Variants in KCNQ1 observed in about 807,000 individuals in gnomAD.
The protein encoded by KCNQ1 is potassium voltage-gated channel subfamily KQT member 1.
In KCNQ1, 49 loss-of-function variants were observed where a neutral mutation model predicts 72.4. The ratio of observed to expected loss-of-function variants is 0.68; its 90% CI spans 0.54 to 0.86. The LOEUF is 0.86. Ranked by LOEUF, KCNQ1 falls within the 40% of genes least tolerant of loss-of-function variation. The pLI is 0.00. For synonymous variants in KCNQ1, 450 were observed against 412.6 expected, an observed-to-expected ratio of 1.09 and a Z score of -1.10; for missense variants, 790 against 945.1, an observed-to-expected ratio of 0.84 and a Z score of 2.15.
chr11:2,810,589 G>A (rs765300313), intron 15 of KCNQ1, among the ~76,000 whole-genome samples: 2 of 152,208 alleles, frequency 1.3e-5, no homozygotes, highest in African/African-American at 4.8e-5. Context: ...TGATGGGCAC[G>A]ACAGCTCCTA....
At chr11:2,756,847 A>C (rs1431520728) in intron 11 of KCNQ1, among the ~76,000 whole-genome samples, 2 of 151,412 alleles carry the variant, frequency 1.3e-5, no homozygotes, top group East Asian at 3.9e-4. Context: ...TTATATTAGC[A>C]CAACCGGGAG....
At chr11:2,445,592 C>T in intron 1 of KCNQ1, 108 bp downstream of exon 1, 1 of 1,297,084 alleles carries the variant, frequency 7.7e-7, no homozygotes, top group Admixed American at 2.0e-5. Flanking sequence ...GACCCCGGAG[C>T]AGAGGAGGGA....
intron 5 of KCNQ1, 103 bp from the exon 6 acceptor site, chr11:2,572,743 T>C (rs1366399856): frequency 2.0e-6 from 3 of 1,488,142 alleles, no homozygotes; most frequent in Non-Finnish European, 1.8e-6. Flanking sequence ...TGGAGCGGCG[T>C]AGGACGCCCA....
At chr11:2,699,964 G>T (rs1297149523) in intron 11 of KCNQ1, 1 of 398,248 alleles carries the variant, frequency 2.5e-6, no homozygotes, top group Non-Finnish European at 4.4e-6. Context: ...CTCCCTGGAG[G>T]TCCGTGCTGA....
chr11:2,480,077 A>G (rs1846629507), intron 1 of KCNQ1, among the ~76,000 whole-genome samples: 1 of 152,146 alleles, frequency 6.6e-6, no homozygotes, highest in South Asian at 2.1e-4. Context: ...CCTGGATTTC[A>G]TTGTCCATAT....
chr11:2,561,667 C>T (rs1848169177), intron 2 of KCNQ1, among the ~76,000 whole-genome samples: 1 of 152,250 alleles, frequency 6.6e-6, no homozygotes, highest in Admixed American at 6.5e-5. Context: ...TGCCCATCCT[C>T]CTCCTGCTTA....
intron 1 of KCNQ1, among the ~76,000 whole-genome samples, chr11:2,474,179 C>A (rs899546009): frequency 1.3e-5 from 2 of 152,140 alleles, no homozygotes; most frequent in Non-Finnish European, 1.5e-5. Context: ...TGTCCAGGGT[C>A]CGTCAAGAAG....
At chr11:2,610,745 T>TTTTTTTTTGA in intron 10 of KCNQ1, 1 of 356,168 alleles carries the variant, frequency 2.8e-6, no homozygotes, top group Non-Finnish European at 4.8e-6. Flanking sequence ...TTTTTTTTTT[T>TTTTTTTTTGA]ACTTTGAGCA....
At chr11:2,628,530 T>C (rs1849297430) in intron 10 of KCNQ1, 1 of 398,372 alleles carries the variant, frequency 2.5e-6, no homozygotes, top group Admixed American at 4.4e-5. Context: ...TCCTTATATA[T>C]ATTGGATATT....
intron 2 of KCNQ1, among the ~76,000 whole-genome samples, chr11:2,542,787 T>G (rs1032494898): frequency 1.3e-5 from 2 of 152,242 alleles, no homozygotes; most frequent in Non-Finnish European, 2.9e-5. Flanking sequence ...CCTTTTTCAT[T>G]GCTGAGCCGT....
rs370070707 is a variant in KCNQ1, at chr11:2,677,231, T to C, written c.1514+15150T>C. 80 of 398,540 alleles carry C rather than the reference T, an allele frequency of 2.0e-4. No homozygotes were observed. Among genetic ancestry groups the C allele is most frequent in the African/African-American group, 1.4e-3 (70 of 48,722 alleles). 24.7% of individuals were successfully genotyped at this position (398,540 alleles called of 1,614,324 possible). A position where few individuals can be genotyped will look rare whatever the true frequency, so the allele number is the denominator to read the frequency against. On this transcript the variant is annotated intron_variant, in intron 11 of 15. Coordinates refer to ENST00000155840, the MANE Select transcript of KCNQ1 (RefSeq NM_000218.3). This position sits in a 1 kb window ranked among gnomAD's most constrained non-coding sequence, Gnocchi z 4.5. ...TGTCTCTTGTCAACCAAAGACAATA[T>C]AAAGCACACACAAAGTAAAGAGGAA...
Position 2,661,573 on chromosome 11 carries a change from G to T in KCNQ1, c.1394-388G>T. 1.8e-6 allele frequency: 1 copy of T among 554,936 alleles called. No homozygotes were observed. The highest frequency in any genetic ancestry group is 3.2e-6 in the Non-Finnish European group (1 of 312,514). 34.4% of individuals were successfully genotyped at this position (554,936 alleles called of 1,614,324 possible). On this transcript the variant is annotated intron_variant, in intron 10 of 15. Coordinates refer to ENST00000155840, the MANE Select transcript of KCNQ1 (RefSeq NM_000218.3). The surrounding 1 kb of genome is among the most constrained non-coding windows in gnomAD (Gnocchi z 5.9). ...CAATGTATGAGTGTGACAATGTATG[G>T]TGGTGGGAGCTGTTGTCCCTTACCA... is the stretch of plus-strand genomic sequence containing the variant.
chr11:2,544,344 A>ATGTATATATATG lies in KCNQ1; in HGVS notation c.477+16354_477+16365dup, dbSNP rs747807870. Among the ~76,000 whole-genome samples, 12,504 of 145,616 alleles carry ATGTATATATATG rather than the reference A, an allele frequency of 0.086. 615 individuals carry two copies. The highest frequency in any genetic ancestry group is 0.1 in the African/African-American group (4,053 of 38,908). ...TCTATGTATATATATGTGTATGTAT[A>ATGTATATATATG]TGTATATATATGTGTATATATATGT... On this transcript the variant is annotated intron_variant, in intron 2 of 15. Coordinates refer to ENST00000155840, the MANE Select transcript of KCNQ1 (RefSeq NM_000218.3). This position sits in a 1 kb window ranked among gnomAD's most constrained non-coding sequence, Gnocchi z 4.4.
At chr11:2,649,876 A>G (rs940020816) in intron 10 of KCNQ1, 1 of 398,480 alleles carries the variant, frequency 2.5e-6, no homozygotes, top group Non-Finnish European at 4.4e-6. Context: ...ATCTTCTTAA[A>G]TAGATTTTCT....
chr11:2,630,318 T>G (rs992770909), intron 10 of KCNQ1: 3 of 398,194 alleles, frequency 7.5e-6, no homozygotes, highest in African/African-American at 6.2e-5. Context: ...TTGATCATAT[T>G]TTGTTGAAAA....
intron 1 of KCNQ1, among the ~76,000 whole-genome samples, chr11:2,524,098 C>T (rs756045631): frequency 1.4e-4 from 22 of 152,250 alleles, no homozygotes; most frequent in African/African-American, 3.4e-4. Context: ...CTGGGTTACC[C>T]GGGTGAGCCC....
At chr11:2,721,549 T>C (rs1240744211) in intron 11 of KCNQ1, among the ~76,000 whole-genome samples, 1 of 152,194 alleles carries the variant, frequency 6.6e-6, no homozygotes, top group Non-Finnish European at 1.5e-5. Flanking sequence ...TTTCTAGGGA[T>C]TTACATTCCG....
Position 2,459,711 on chromosome 11 carries a change from C to A in KCNQ1, c.386+14227C>A, listed in dbSNP as rs577671081. On this transcript the variant is annotated intron_variant, in intron 1 of 15. Coordinates refer to ENST00000155840, the MANE Select transcript of KCNQ1 (RefSeq NM_000218.3). ...CAGACCACCCCGGAGGCCCCCTCCG[C>A]CCTCCTGCCTACAAAGAGTTCCCCC... is the stretch of plus-strand genomic sequence containing the variant. Among the ~76,000 whole-genome samples the A allele has an allele frequency of 3.6e-3, 542 of 152,162 alleles. 4 individuals are homozygous for A. Among genetic ancestry groups the A allele is most frequent in the African/African-American group, 0.012 (506 of 41,496 alleles).
intron 10 of KCNQ1, chr11:2,655,843 T>A: frequency 2.5e-6 from 1 of 398,624 alleles, no homozygotes. Flanking sequence ...TAACCTCTCC[T>A]CTTGAATTGG....
Sources: gnomAD v4.1 joint callset for allele counts (sites outside exome capture counted in the v4.1 genomes callset) on GRCh38, gnomAD v4.1.1 for gene constraint, Gnocchi (gnomAD v3.1) non-coding constraint, MANE v1.5 for transcripts, NCBI Gene and HGNC (gene_info 2026-07-23, HGNC 2026-07-21) for gene names.